The following PUM1 variants were observed in gnomAD, a reference collection of about 807,000 sequenced individuals.
The protein encoded by PUM1 is pumilio RNA binding family member 1, also known as pumilio homolog 1.
Under a neutral mutation model 131.8 loss-of-function variants are expected in PUM1, and 13 were observed. The observed-to-expected ratio is 0.10, with a 90% CI of 0.06 to 0.16. PUM1 has a LOEUF of 0.16. Among genes scored for constraint, PUM1 ranks in the 10% least tolerant of loss-of-function variants. PUM1 has a pLI of 1.00. For synonymous variants in PUM1, 509 were observed against 556.5 expected (o/e 0.91, Z 1.20); for missense variants, 961 against 1,512.4 (o/e 0.64, Z 6.05).
At chr1:31,018,345 T>C (rs187356336) in intron 3 of PUM1, among the ~76,000 whole-genome samples, 1 of 150,668 alleles carries the variant, frequency 6.6e-6, no homozygotes, top group Admixed American at 6.6e-5. Context: ...AGAGACTCCA[T>C]CTCAAAAAAA....
At chr1:31,044,145 T>C (rs1355660612) in intron 2 of PUM1, among the ~76,000 whole-genome samples, 1 of 152,194 alleles carries the variant, frequency 6.6e-6, no homozygotes, top group Non-Finnish European at 1.5e-5. Context: ...CTCACACCTG[T>C]AATCCCAGCA....
intron 7 of PUM1, among the ~76,000 whole-genome samples, chr1:30,990,002 G>C (rs2491143): frequency 1 from 151,641 of 152,340 alleles, 75,473 homozygotes; most frequent in East Asian, 1. Flanking sequence ...GATCCAAGAA[G>C]TAACTTTCCT....
intron 17 of PUM1, among the ~76,000 whole-genome samples, chr1:30,946,940 A>C (rs2124401672): frequency 6.6e-6 from 1 of 152,290 alleles, no homozygotes; most frequent in South Asian, 2.1e-4. Flanking sequence ...AGAATTTCAC[A>C]TACAATTAAT....
intron 9 of PUM1, among the ~76,000 whole-genome samples, chr1:30,978,726 C>T (rs757650552): frequency 1.3e-4 from 20 of 152,288 alleles, no homozygotes; most frequent in African/African-American, 4.6e-4. Flanking sequence ...GGTCCCATCA[C>T]GGTGACGGTA....
In PUM1 at chr1:31,060,811, G is replaced by A. The variant is rs972777903; in HGVS notation, c.-11-1234C>T. On this transcript the variant is annotated intron_variant, in intron 1 of 21. Transcript: ENST00000426105. ...TGAGGCAGGAGAATCGTTTGAACCC[G>A]GGAGGCAGAGGTTGCAGTGAGCCAA... Among the ~76,000 whole-genome samples the A allele has an allele frequency of 5.3e-5, 8 of 151,080 alleles. No individual in the cohort carries two copies. The South Asian group carries it at 8.4e-4, about 16-fold the overall frequency.
intron 3 of PUM1, among the ~76,000 whole-genome samples, chr1:31,017,336 G>C (rs2124527599): frequency 6.6e-6 from 1 of 152,222 alleles, no homozygotes; most frequent in South Asian, 2.1e-4. Context: ...AAGAAAGGAA[G>C]AGTAACCAAC....
chr1:30,936,058 CCTGT>C (rs1234510685), intron 21 of PUM1, among the ~76,000 whole-genome samples: 1 of 141,622 alleles, frequency 7.1e-6, no homozygotes, highest in Non-Finnish European at 1.5e-5. Flanking sequence ...TTCCTTCTTC[CCTGT>C]CTAACTCTTC....
At position 30,948,741 on chromosome 1, in the gene PUM1, C is replaced by T. The variant is rs143755607; in HGVS notation, c.2856+1386G>A. Among the ~76,000 whole-genome samples, 797 of 152,216 alleles carry T rather than the reference C, an allele frequency of 5.2e-3. 6 individuals are homozygous for T. Among genetic ancestry groups the T allele is most frequent in the African/African-American group, 0.018 (735 of 41,520 alleles). ...CTCCAGCCTGGGTGACAGAGTGAGA[C>T]CTTGTCTCCAAAAAGAAAGAAAGAA... On this transcript the variant is annotated intron_variant, in intron 17 of 21. Transcript: ENST00000426105.
intron 14 of PUM1, among the ~76,000 whole-genome samples, chr1:30,955,300 C>CAA (rs529336616): frequency 0.011 from 1,239 of 113,530 alleles, 31 homozygotes; most frequent in Admixed American, 0.059. Flanking sequence ...CTAAAAAATA[C>CAA]AAAAAAAAAA....
At chr1:31,065,116 G>T (rs1036655469) in intron 1 of PUM1, among the ~76,000 whole-genome samples, 1 of 152,072 alleles carries the variant, frequency 6.6e-6, no homozygotes, top group African/African-American at 2.4e-5. Flanking sequence ...GGTGAATCTC[G>T]CCTGTGGACA....
intron 17 of PUM1, among the ~76,000 whole-genome samples, chr1:30,946,790 TC>T (rs1359147696): frequency 6.6e-6 from 1 of 152,032 alleles, no homozygotes; most frequent in Non-Finnish European, 1.5e-5. Context: ...ACAGCCATAA[TC>T]CCAGCTACTC....
chr1:30,967,346 T>C (rs1557559520), intron 11 of PUM1, 36 bp from the exon 12 acceptor site: 1 of 1,588,350 alleles, frequency 6.3e-7, no homozygotes, highest in African/African-American at 1.3e-5. Context: ...ATGTATATGT[T>C]AAACAAACAA....
chr1:31,029,184 A>G (rs1643326670), intron 2 of PUM1, among the ~76,000 whole-genome samples: 1 of 152,256 alleles, frequency 6.6e-6, no homozygotes, highest in African/African-American at 2.4e-5. Context: ...TAAGACCAAC[A>G]TTCTGAAGAG....
At chr1:30,979,637 G>A (rs1262439916) in intron 9 of PUM1, among the ~76,000 whole-genome samples, 1 of 151,954 alleles carries the variant, frequency 6.6e-6, no homozygotes, top group Non-Finnish European at 1.5e-5. Flanking sequence ...AAGATGAAGA[G>A]GTAAGATCTA....
intron 10 of PUM1, among the ~76,000 whole-genome samples, chr1:30,973,352 G>GT (rs757535415): frequency 2.0e-5 from 3 of 151,946 alleles, no homozygotes; most frequent in South Asian, 4.2e-4. Context: ...TATGAGCAGG[G>GT]TGTTTTGTCT....
At chr1:30,968,240 C>A (rs768929685) in intron 11 of PUM1, 114 bp downstream of exon 11, 11 of 1,450,804 alleles carry the variant, frequency 7.6e-6, no homozygotes, top group Middle Eastern at 1.7e-4. Flanking sequence ...TGCCAGTCCC[C>A]AAATCATGAC....
At chr1:31,021,855 A>G (rs10914246) in intron 3 of PUM1, among the ~76,000 whole-genome samples, 6 of 152,136 alleles carry the variant, frequency 3.9e-5, no homozygotes, top group African/African-American at 1.4e-4. Flanking sequence ...GCAGAAACCA[A>G]CCAGAAAAAC....
At chr1:30,950,981 T>C (rs1457438166) in intron 16 of PUM1, among the ~76,000 whole-genome samples, 1 of 152,020 alleles carries the variant, frequency 6.6e-6, no homozygotes. Context: ...GGTAACAGAG[T>C]TGGGAGGGGA....
rs1238466885 is a variant in PUM1, at chr1:30,945,397, T to C, written c.2943A>G (p.Glu981=). 3.1e-6 allele frequency: 5 copies of C among 1,614,220 alleles called. No homozygotes were observed. The South Asian group carries it at 4.4e-5, about 14-fold the overall frequency. Reference sequence around the variant, plus strand: ...ATTGCAAAGACTGGGGCTGTACACATTCAATGCATTTCTGAACCACGTGAT... The same window carrying C: ...ATTGCAAAGACTGGGGCTGTACACACTCAATGCATTTCTGAACCACGTGAT... ...NGNHVVQKCI[E]CVQPQSLQFI... is the part of the protein sequence containing the mutation. Residue 981 remains glutamate (E), a synonymous_variant, in exon 18 of 22, where the codon GAA becomes GAG. Transcript: ENST00000426105.
Sources: allele counts gnomAD v4.1 joint callset (sites outside exome capture counted in the v4.1 genomes callset), GRCh38; gene constraint gnomAD v4.1.1; transcripts MANE v1.5; gene names NCBI Gene and HGNC (gene_info 2026-07-23, HGNC 2026-07-21).